Variants in MED4 observed in about 807,000 individuals in gnomAD.
MED4 encodes the protein mediator complex subunit 4.
In MED4, 21 loss-of-function variants were observed where a neutral mutation model predicts 35.0. The ratio of observed to expected loss-of-function variants is 0.60; its 90% CI spans 0.43 to 0.86. The LOEUF (loss-of-function observed/expected upper bound fraction) is 0.86, where lower values mean the gene tolerates loss of function less well. MED4 is among the 40% of genes least tolerant of loss of function. The pLI, the probability that MED4 is intolerant of heterozygous loss-of-function variation, is 0.00. For synonymous variants in MED4, 138 were observed against 114.0 expected (o/e 1.21, Z -1.34); for missense variants, 300 against 319.4 (o/e 0.94, Z 0.46).
intron 1 of MED4, among the ~76,000 whole-genome samples, chr13:48,093,980 A>C (rs1237561155): frequency 1.3e-5 from 2 of 152,262 alleles, no homozygotes; most frequent in Non-Finnish European, 2.9e-5. Flanking sequence ...CCAAATCGGG[A>C]GTAGACTGGG....
chr13:48,078,217 T>TTA (rs1207959762), intron 6 of MED4, among the ~76,000 whole-genome samples: 3 of 151,998 alleles, frequency 2.0e-5, no homozygotes, highest in Non-Finnish European at 4.4e-5. Context: ...AAAGAAAGAG[T>TTA]TATGGTATTA....
chr13:48,083,530 T>G (rs1420006043), intron 3 of MED4, 102 bp from the exon 4 acceptor site: 1 of 816,698 alleles, frequency 1.2e-6, no homozygotes, highest in Non-Finnish European at 1.9e-6. Context: ...AGAACAATCT[T>G]TGAAACTTGG....
chr13:48,077,109 T>G lies in MED4; in HGVS notation c.*30A>C. The stretch of plus-strand genomic sequence containing the variant: ...TTAAAGAAACAGAATTCTACAGTAT[T>G]CAATTCTGTATATTGTCTTTTAAGG... On this transcript the variant is annotated 3_prime_UTR_variant, in exon 7 of 7. Transcript: ENST00000258648. 1 of 1,548,958 alleles carries G rather than the reference T, an allele frequency of 6.5e-7. No individual in the cohort carries two copies. Among genetic ancestry groups the G allele is most frequent in the Non-Finnish European group, 8.7e-7 (1 of 1,144,388 alleles).
At chr13:48,085,357 G>A (rs1950841766) in intron 3 of MED4, among the ~76,000 whole-genome samples, 1 of 151,998 alleles carries the variant, frequency 6.6e-6, no homozygotes, top group Non-Finnish European at 1.5e-5. Flanking sequence ...ATTTGTAATA[G>A]AGACAGGGTT....
intron 6 of MED4, among the ~76,000 whole-genome samples, chr13:48,077,863 T>C (rs967625068): frequency 6.6e-6 from 1 of 152,230 alleles, no homozygotes; most frequent in Non-Finnish European, 1.5e-5. Context: ...ATTTTTCTTT[T>C]GTAAGACATT....
chr13:48,076,831 T>C lies in MED4; in HGVS notation c.*308A>G. Reference sequence around the variant, plus strand: ...GGATAATTTCCCTCAACTCTATTTCTAGAATGGCTATGTACAAATCCAGCA... The same window carrying C: ...GGATAATTTCCCTCAACTCTATTTCCAGAATGGCTATGTACAAATCCAGCA... On this transcript the variant is annotated 3_prime_UTR_variant, in exon 7 of 7. Transcript: ENST00000258648. The C allele has an allele frequency of 4.7e-6, 1 of 212,218 alleles. No homozygotes were observed. Among genetic ancestry groups the C allele is most frequent in the Non-Finnish European group, 9.3e-6 (1 of 107,508 alleles). 13.1% of individuals were successfully genotyped at this position (212,218 alleles called of 1,614,324 possible).
rs1004171131 is a variant in MED4, at chr13:48,076,378, T to G, written c.*761A>C. ...TCTAAATCTTCACACAATCTATTCT[T>G]AAAATCAGACAAGGCTGTGGTAAAT... On this transcript the variant is annotated 3_prime_UTR_variant, in exon 7 of 7. Transcript: ENST00000258648. The G allele has an allele frequency of 3.3e-5, 5 of 152,142 alleles. No homozygotes were observed. Among genetic ancestry groups the G allele is most frequent in the Non-Finnish European group, 5.9e-5 (4 of 67,988 alleles). The allele number at this position is 152,142 out of a possible 1,614,324, so 9.4% of individuals were successfully genotyped here.
At chr13:48,090,249 C>T (rs934151684) in intron 2 of MED4, 103 bp downstream of exon 2, 18 of 868,992 alleles carry the variant, frequency 2.1e-5, no homozygotes, top group African/African-American at 3.5e-5. Flanking sequence ...CATTCCTGTT[C>T]CCACACAAAG....
rs201373206 is a variant in MED4, at chr13:48,081,735, A to T, written c.422-4T>A. 6.2e-7 allele frequency: 1 copy of T among 1,601,556 alleles called. No homozygotes were observed. Among genetic ancestry groups the T allele is most frequent in the East Asian group, 2.2e-5 (1 of 44,554 alleles). Reference sequence around the variant, plus strand: ...ATTTCTTCAGAGGAGATAGCACCTGAAAGAGTTTTAAGAGGACAGTATAAC... The same window carrying T: ...ATTTCTTCAGAGGAGATAGCACCTGTAAGAGTTTTAAGAGGACAGTATAAC... On this transcript the variant is annotated splice_region_variant and splice_polypyrimidine_tract_variant and intron_variant, in intron 4 of 6. Coordinates refer to ENST00000258648, the MANE Select transcript of MED4 (RefSeq NM_014166.4).
At chr13:48,079,654 C>A in intron 6 of MED4, 190 bp downstream of exon 6, 1 of 528,076 alleles carries the variant, frequency 1.9e-6, no homozygotes, top group South Asian at 2.2e-5. Context: ...GCACAAGAAT[C>A]ACTTGAACCT....
chr13:48,077,983 G>C (rs924045885), intron 6 of MED4, among the ~76,000 whole-genome samples: 1 of 151,982 alleles, frequency 6.6e-6, no homozygotes, highest in Admixed American at 6.6e-5. Flanking sequence ...ACAAGTAATA[G>C]GTACTTTAGT....
intron 1 of MED4, among the ~76,000 whole-genome samples, chr13:48,094,742 T>C (rs1253680489): frequency 6.6e-6 from 1 of 151,984 alleles, no homozygotes; most frequent in Non-Finnish European, 1.5e-5. Flanking sequence ...GCGCGAGTTC[T>C]TATCATTACT....
At chr13:48,093,344 A>T (rs910817991) in intron 1 of MED4, among the ~76,000 whole-genome samples, 1 of 152,242 alleles carries the variant, frequency 6.6e-6, no homozygotes, top group African/African-American at 2.4e-5. Context: ...AAACTAATAA[A>T]TATCCCGAAA....
chr13:48,087,494 A>G (rs1347455223), intron 2 of MED4, among the ~76,000 whole-genome samples: 2 of 152,140 alleles, frequency 1.3e-5, no homozygotes, highest in African/African-American at 4.8e-5. Context: ...TATTAGAAAA[A>G]ACTGAGACAC....
chr13:48,087,280 G>A (rs866667362), intron 2 of MED4, among the ~76,000 whole-genome samples: 69 of 152,052 alleles, frequency 4.5e-4, no homozygotes, highest in Middle Eastern at 3.4e-3. Flanking sequence ...AAGGAGAATC[G>A]CTTGAACCCG....
At chr13:48,090,926 C>T (rs1480126308) in intron 1 of MED4, among the ~76,000 whole-genome samples, 1 of 152,180 alleles carries the variant, frequency 6.6e-6, no homozygotes, top group African/African-American at 2.4e-5. Context: ...ACAGTCTGCC[C>T]ATTAATATAC....
At chr13:48,085,096 C>T (rs1407691779) in intron 3 of MED4, among the ~76,000 whole-genome samples, 9 of 151,630 alleles carry the variant, frequency 5.9e-5, no homozygotes, top group African/African-American at 1.2e-4. Context: ...CTTGTACTCC[C>T]GACCTCAGGT....
chr13:48,077,723 GA>G (rs936411230), intron 6 of MED4, among the ~76,000 whole-genome samples: 2 of 151,670 alleles, frequency 1.3e-5, no homozygotes, highest in African/African-American at 4.8e-5. Flanking sequence ...TTAAGACTAG[GA>G]AAAAAATACA....
In MED4 at chr13:48,090,001, G is replaced by A. The variant is rs560394203; in HGVS notation, c.192+351C>T. 3.9e-5 allele frequency among the ~76,000 whole-genome samples: 6 copies of A among 152,252 alleles called. No individual in the cohort carries two copies. The South Asian group carries it at 6.2e-4, about 16-fold the overall frequency. On this transcript the variant is annotated intron_variant, in intron 2 of 6. Coordinates refer to ENST00000258648, the MANE Select transcript of MED4 (RefSeq NM_014166.4). ...TACTTACAATACACGGTAAGTTTTT[G>A]AGCATTAACTTTTGATTCTAAATAT...
Sources: allele counts gnomAD v4.1 joint callset (sites outside exome capture counted in the v4.1 genomes callset), GRCh38; gene constraint gnomAD v4.1.1; transcripts MANE v1.5; gene names NCBI Gene and HGNC (gene_info 2026-07-23, HGNC 2026-07-21).